GLIS3: variants seen among roughly 807,000 people sequenced by gnomAD.
The protein encoded by GLIS3 is zinc finger protein GLIS3.
GLIS3 carries 53 observed loss-of-function variants against 78.6 expected under a neutral mutation model. The ratio of observed to expected loss-of-function variants is 0.67; its 90% confidence interval spans 0.54 to 0.85. GLIS3 has a LOEUF of 0.85. Among genes scored for constraint, GLIS3 ranks in the 40% least tolerant of loss-of-function variants. The probability of loss-of-function intolerance (pLI) is 0.00; values close to 1 mark genes in which losing one functional copy is unlikely to be tolerated. For missense variants in GLIS3, 1,703 were observed against 1,231.1 expected, an observed-to-expected ratio of 1.38 and a Z score of -5.74; for synonymous variants, 684 against 509.9, an observed-to-expected ratio of 1.34 and a Z score of -4.60.
At chr9:3,922,125 A>C (rs965362026) in intron 6 of GLIS3, among the ~76,000 whole-genome samples, 10 of 152,244 alleles carry the variant, frequency 6.6e-5, no homozygotes, top group Non-Finnish European at 1.5e-4. Flanking sequence ...GCGCTATAGA[A>C]TTGTTCATGA....
chr9:3,842,450 G>T (rs972299894), intron 9 of GLIS3, among the ~76,000 whole-genome samples: 27 of 152,220 alleles, frequency 1.8e-4, no homozygotes, highest in Non-Finnish European at 2.2e-4. Flanking sequence ...CTAGCCTGGG[G>T]GTCAAAGCAA....
At chr9:4,468,652 G>A in the GLIS3 span, among the ~76,000 whole-genome samples, 2 of 152,158 alleles carry the variant, frequency 1.3e-5, no homozygotes, top group Non-Finnish European at 2.9e-5. Context: ...ACGTGGAAAG[G>A]AACAACTGGT....
At chr9:3,850,712 C>T (rs1290313088) in intron 9 of GLIS3, among the ~76,000 whole-genome samples, 1 of 152,156 alleles carries the variant, frequency 6.6e-6, no homozygotes, top group Non-Finnish European at 1.5e-5. Flanking sequence ...CGTGAGCTGG[C>T]CTTGTGAGTT....
At chr9:3,860,076 C>T (rs1324166023) in intron 8 of GLIS3, among the ~76,000 whole-genome samples, 1 of 151,822 alleles carries the variant, frequency 6.6e-6, no homozygotes, top group Non-Finnish European at 1.5e-5. Context: ...GAGATTGAGA[C>T]CATCCTGGCT....
In GLIS3 at chr9:4,287,125, A is replaced by G. The variant is rs115903027; in HGVS notation, c.-98-602T>C. On this transcript the variant is annotated intron_variant, in intron 1 of 10. Coordinates refer to ENST00000381971, the MANE Select transcript of GLIS3 (RefSeq NM_001042413.2). ...ATATTCAAATATTCATGGCAGCATT[A>G]GAGTCTTGGTTCCATAATGATCCTG... Among the ~76,000 whole-genome samples the G allele has an allele frequency of 6.3e-3, 954 of 152,332 alleles. 14 individuals carry two copies. Among genetic ancestry groups the G allele is most frequent in the African/African-American group, 0.021 (889 of 41,572 alleles).
chr9:4,065,649 A>G (rs1026818734), intron 4 of GLIS3, among the ~76,000 whole-genome samples: 1 of 152,238 alleles, frequency 6.6e-6, no homozygotes, highest in African/African-American at 2.4e-5. Context: ...AATAAGTAGC[A>G]AGTTCCAAAT....
the GLIS3 span, among the ~76,000 whole-genome samples, chr9:4,426,960 G>A: frequency 1.3e-5 from 2 of 152,220 alleles, no homozygotes; most frequent in Non-Finnish European, 2.9e-5. Flanking sequence ...CAGTTAAACT[G>A]TAGAGTGGAT....
intron 8 of GLIS3, among the ~76,000 whole-genome samples, chr9:3,872,574 C>G (rs1172947870): frequency 6.6e-6 from 1 of 152,160 alleles, no homozygotes; most frequent in East Asian, 1.9e-4. Context: ...GTGAAAACCC[C>G]TGATAAAAAC....
intron 6 of GLIS3, among the ~76,000 whole-genome samples, chr9:3,907,374 G>C (rs1823781268): frequency 6.6e-6 from 1 of 152,152 alleles, no homozygotes; most frequent in South Asian, 2.1e-4. Flanking sequence ...CAATCTCCTA[G>C]TTAGTGAATA....
rs528945270 is a variant in GLIS3, at chr9:4,255,488, G to A, written c.388+30550C>T. ...CCAAGATGCCCATCAGTGGGTGAAT[G>A]GATAAACAGTCGTATATCCAGACAA... On this transcript the variant is annotated intron_variant, in intron 2 of 10. Transcript: ENST00000381971. Among the ~76,000 whole-genome samples the A allele has an allele frequency of 2.0e-5, 3 of 152,286 alleles. No homozygotes were observed. The East Asian group carries it at 5.8e-4, about 29-fold the overall frequency.
intron 4 of GLIS3, among the ~76,000 whole-genome samples, chr9:4,107,512 G>A (rs922353601): frequency 6.6e-6 from 1 of 152,190 alleles, no homozygotes; most frequent in East Asian, 1.9e-4. Context: ...CAATCATAAG[G>A]AGTTAGCCAT....
intron 4 of GLIS3, among the ~76,000 whole-genome samples, chr9:3,937,976 AT>A (rs1309082849): frequency 1.3e-5 from 2 of 152,240 alleles, no homozygotes; most frequent in Non-Finnish European, 1.5e-5. Flanking sequence ...TTTGTCAATA[AT>A]ATTTATTGAC....
intron 4 of GLIS3, among the ~76,000 whole-genome samples, chr9:4,101,814 G>A (rs575155138): frequency 6.6e-6 from 1 of 152,122 alleles, no homozygotes; most frequent in African/African-American, 2.4e-5. Context: ...CTGTTAATGA[G>A]TCACTGTATC....
the GLIS3 span, among the ~76,000 whole-genome samples, chr9:4,457,640 G>A: frequency 2.6e-5 from 4 of 151,898 alleles, no homozygotes; most frequent in African/African-American, 9.7e-5. Flanking sequence ...GAGGTCAGGA[G>A]ATCGAGACCA....
chr9:4,095,560 G>A (rs1415819976), intron 4 of GLIS3, among the ~76,000 whole-genome samples: 1 of 152,156 alleles, frequency 6.6e-6, no homozygotes, highest in African/African-American at 2.4e-5. Context: ...TATTAGAAGA[G>A]GAAGAGTCTG....
chr9:4,190,943 A>G (rs1818276632), intron 2 of GLIS3, among the ~76,000 whole-genome samples: 1 of 152,160 alleles, frequency 6.6e-6, no homozygotes. Context: ...AAGCTTCATA[A>G]GTGAAGGAGA....
chr9:4,385,017 C>T, the GLIS3 span, among the ~76,000 whole-genome samples: 1 of 152,294 alleles, frequency 6.6e-6, no homozygotes, highest in Non-Finnish European at 1.5e-5. Flanking sequence ...AGGGCAGATG[C>T]CTCAGCCTTT....
chr9:4,479,904 C>CTTTTTTTTTTTT, the GLIS3 span, among the ~76,000 whole-genome samples: 102 of 108,696 alleles, frequency 9.4e-4, no homozygotes, highest in Non-Finnish European at 1.1e-3. Context: ...ATTTCTTCTT[C>CTTTTTTTTTTTT]TTTTTTTTTT....
At chr9:4,197,028 G>T (rs1818922527) in intron 2 of GLIS3, among the ~76,000 whole-genome samples, 1 of 152,134 alleles carries the variant, frequency 6.6e-6, no homozygotes, top group Non-Finnish European at 1.5e-5. Context: ...ATAGATCGTG[G>T]TGCAGTGGGG....
Sources: allele counts gnomAD v4.1 joint callset (sites outside exome capture counted in the v4.1 genomes callset), GRCh38; gene constraint gnomAD v4.1.1; transcripts MANE v1.5; gene names NCBI Gene and HGNC (gene_info 2026-07-23, HGNC 2026-07-21).